The following POMP variants were observed in gnomAD, a reference collection of about 807,000 sequenced individuals.
The protein encoded by POMP is 2510048O06Rik.
In POMP, 12 loss-of-function variants were observed where a neutral mutation model predicts 20.6. The observed-to-expected ratio is 0.58, with a 90% CI of 0.37 to 0.94. The LOEUF (loss-of-function observed/expected upper bound fraction) is 0.94, where lower values mean the gene tolerates loss of function less well. Ranked by LOEUF, POMP falls within the 40% of genes least tolerant of loss-of-function variation. POMP has a pLI of 0.01. For synonymous variants in POMP, 53 were observed against 55.0 expected (o/e 0.96, Z 0.16); for missense variants, 136 against 161.1 (o/e 0.84, Z 0.84).
Position 28,659,230 on chromosome 13 carries a change from G to A in POMP, c.3+43G>A, listed in dbSNP as rs1458147932. 3 of 1,573,376 alleles carry A rather than the reference G, an allele frequency of 1.9e-6. No homozygotes were observed. In the South Asian group the frequency reaches 3.5e-5, roughly 18 times the overall value. ...CGGCTGGAGTTCCACGCGGGCTCGG[G>A]ACCGTGGCTCGGCAGAAACAGGCAG... On this transcript the variant is annotated intron_variant, in intron 1 of 5. Coordinates refer to ENST00000380842, the MANE Select transcript of POMP (RefSeq NM_015932.6).
chr13:28,662,794 A>G (rs958014145), intron 2 of POMP, among the ~76,000 whole-genome samples: 12 of 152,270 alleles, frequency 7.9e-5, no homozygotes, highest in Non-Finnish European at 1.6e-4. Flanking sequence ...TAACTTAGCC[A>G]TTTGCCTTCT....
chr13:28,668,340 A>G (rs1884482394), intron 3 of POMP, 133 bp from the exon 4 acceptor site: 1 of 664,148 alleles, frequency 1.5e-6, no homozygotes, highest in Admixed American at 2.6e-5. Context: ...AATTAGTAAA[A>G]ATACTTAGTT....
intron 1 of POMP, 113 bp downstream of exon 1, chr13:28,659,300 G>GGGCTGAGGCCGGCCTCA (rs1483629295): frequency 2.0e-6 from 3 of 1,500,186 alleles, no homozygotes; most frequent in East Asian, 4.9e-5. Flanking sequence ...CGGCAGCGTG[G>GGGCTGAGGCCGGCCTCA]GGCTGAGGCC....
chr13:28,668,126 T>A (rs780147775), intron 3 of POMP, among the ~76,000 whole-genome samples: 2 of 152,214 alleles, frequency 1.3e-5, no homozygotes, highest in African/African-American at 4.8e-5. Context: ...ATTTTCTGGA[T>A]CTCAAATTAC....
At chr13:28,663,824 T>C (rs1884392591) in intron 2 of POMP, among the ~76,000 whole-genome samples, 1 of 152,228 alleles carries the variant, frequency 6.6e-6, no homozygotes, top group Non-Finnish European at 1.5e-5. Flanking sequence ...TGTTCCTTCT[T>C]CTTCCTGATT....
At chr13:28,663,238 C>T (rs1487146203) in intron 2 of POMP, among the ~76,000 whole-genome samples, 7 of 152,118 alleles carry the variant, frequency 4.6e-5, no homozygotes, top group Admixed American at 3.9e-4. Flanking sequence ...ACGACCTTTC[C>T]CCCATAAACA....
chr13:28,667,044 T>C (rs1884461326), intron 3 of POMP, among the ~76,000 whole-genome samples: 1 of 152,202 alleles, frequency 6.6e-6, no homozygotes, highest in Admixed American at 6.5e-5. Flanking sequence ...TTGAGATACA[T>C]ACATAATGTC....
At chr13:28,671,788 T>G (rs1183213366) in intron 4 of POMP, among the ~76,000 whole-genome samples, 3 of 152,124 alleles carry the variant, frequency 2.0e-5, no homozygotes, top group Non-Finnish European at 2.9e-5. Context: ...CCCTCTTAGA[T>G]TCTAACGGTG....
chr13:28,664,482 AATG>A (rs1316851143), intron 2 of POMP, 24 bp from the exon 3 acceptor site: 1 of 1,476,558 alleles, frequency 6.8e-7, no homozygotes, highest in Admixed American at 1.7e-5. Context: ...ATCTCCTCTA[AATG>A]TTTTTTTTTT....
intron 5 of POMP, 136 bp from the exon 6 acceptor site, chr13:28,677,893 ACCCCAG>A: frequency 1.2e-6 from 1 of 809,950 alleles, no homozygotes; most frequent in Non-Finnish European, 2.0e-6. Context: ...CAGTCACCCC[ACCCCAG>A]CCCCAGGCAA....
chr13:28,676,469 G>A (rs1242396808), intron 5 of POMP, among the ~76,000 whole-genome samples: 5 of 152,074 alleles, frequency 3.3e-5, no homozygotes, highest in South Asian at 2.1e-4. Flanking sequence ...TTAAATATAC[G>A]TGTCAGGAGA....
At chr13:28,668,637 A>C in intron 4 of POMP, 63 bp downstream of exon 4, 1 of 1,278,344 alleles carries the variant, frequency 7.8e-7, no homozygotes, top group Non-Finnish European at 1.1e-6. Flanking sequence ...TTCTGTTTTC[A>C]TAACAGCTAT....
At chr13:28,677,904 A>C in intron 5 of POMP, 131 bp from the exon 6 acceptor site, 2 of 888,156 alleles carry the variant, frequency 2.3e-6, no homozygotes, top group Non-Finnish European at 3.6e-6. Context: ...CCCCAGCCCC[A>C]GGCAATCACT....
rs1000994170 is a variant in POMP at position 28,678,768 on chromosome 13, G to T, written c.*666G>T. ...TGCCAAGCAACACTGTTAAAGAAAA[G>T]TAAAACTCATTTTTTCTTGTTCTTA... On this transcript the variant is annotated 3_prime_UTR_variant, in exon 6 of 6. Coordinates refer to ENST00000380842, the MANE Select transcript of POMP (RefSeq NM_015932.6). 2 of 152,112 alleles carry T rather than the reference G, an allele frequency of 1.3e-5. No homozygotes were observed. The highest frequency in any genetic ancestry group is 2.4e-5 in the African/African-American group (1 of 41,428). 9.4% of individuals were successfully genotyped at this position (152,112 alleles called of 1,614,324 possible).
Position 28,659,302 on chromosome 13 carries a change from G to T in POMP, c.3+115G>T, listed in dbSNP as rs964242884. The T allele has an allele frequency of 6.6e-5, 98 of 1,487,014 alleles. 1 individual carries two copies. The Admixed American group carries it at 1.9e-3, about 29-fold the overall frequency. 92.1% of individuals were successfully genotyped at this position (1,487,014 alleles called of 1,614,324 possible). ...GTGGCGGCGGCGGCGGCAGCGTGGG[G>T]CTGAGGCCGGCCTCAGGCGCCATAA... On this transcript the variant is annotated intron_variant, in intron 1 of 5. Coordinates refer to ENST00000380842, the MANE Select transcript of POMP (RefSeq NM_015932.6).
chr13:28,666,735 C>A (rs934752566), intron 3 of POMP, among the ~76,000 whole-genome samples: 1 of 152,158 alleles, frequency 6.6e-6, no homozygotes, highest in Non-Finnish European at 1.5e-5. Flanking sequence ...TATTGCTGGC[C>A]TCTAGTAGCT....
At chr13:28,661,184 C>T (rs922905573) in intron 1 of POMP, among the ~76,000 whole-genome samples, 4 of 152,104 alleles carry the variant, frequency 2.6e-5, no homozygotes, top group African/African-American at 4.8e-5. Flanking sequence ...CGTCTTGGGC[C>T]GTGCATGCTG....
At chr13:28,661,804 C>T (rs1884346068) in intron 1 of POMP, among the ~76,000 whole-genome samples, 1 of 152,122 alleles carries the variant, frequency 6.6e-6, no homozygotes, top group South Asian at 2.1e-4. Context: ...CCCAGCTTCT[C>T]TACTTTTCTT....
At chr13:28,659,278 TGGC>T (rs1005299683) in intron 1 of POMP, 91 bp downstream of exon 1, 18 of 1,530,014 alleles carry the variant, frequency 1.2e-5, no homozygotes, top group Non-Finnish European at 1.2e-5. Flanking sequence ...CCGTCCCCGG[TGGC>T]GGCGGCGGCG....
Sources: allele counts gnomAD v4.1 joint callset (sites outside exome capture counted in the v4.1 genomes callset), GRCh38; gene constraint gnomAD v4.1.1; transcripts MANE v1.5; gene names NCBI Gene and HGNC (gene_info 2026-07-23, HGNC 2026-07-21).